Variants in MORN3 observed in about 807,000 individuals in gnomAD.
MORN3 encodes the protein MORN repeat containing 3.
A neutral mutation model predicts 34.7 loss-of-function variants in MORN3; 38 were observed. The observed-to-expected ratio is 1.10, with a 90% confidence interval of 0.85 to 1.44. The LOEUF (loss-of-function observed/expected upper bound fraction) is 1.44, where lower values mean the gene tolerates loss of function less well. MORN3 is among the 40% of genes most tolerant of loss of function. The pLI, the probability that MORN3 is intolerant of heterozygous loss-of-function variation, is 0.00. For synonymous variants in MORN3, 109 were observed against 115.3 expected (o/e 0.95, Z 0.35); for missense variants, 311 against 321.7 (o/e 0.97, Z 0.25).
chr12:121,660,792 C>G lies in MORN3; in HGVS notation c.146-1444G>C, dbSNP rs569139609. ...CAAGCAATTCTTCCACCTCATCCCC[C>G]CAAGTAGCTGGGATTACAGGAATGC... On this transcript the variant is annotated intron_variant, in intron 1 of 5. Transcript: ENST00000355329. Among the ~76,000 whole-genome samples the G allele has an allele frequency of 9.2e-5, 14 of 152,052 alleles. No individual in the cohort carries two copies. The South Asian group carries it at 2.1e-3, about 23-fold the overall frequency.
chr12:121,657,295 G>T (rs1893440877), intron 2 of MORN3, among the ~76,000 whole-genome samples: 1 of 152,196 alleles, frequency 6.6e-6, no homozygotes, highest in African/African-American at 2.4e-5. Flanking sequence ...GAAGCTACAA[G>T]ATTCTGATCC....
intron 2 of MORN3, among the ~76,000 whole-genome samples, chr12:121,658,848 GA>G (rs1431788023): frequency 6.6e-6 from 1 of 152,026 alleles, no homozygotes; most frequent in Non-Finnish European, 1.5e-5. Context: ...GCAGAAAGGG[GA>G]TTCTCAGAAA....
chr12:121,653,446 A>T (rs10770190), intron 3 of MORN3, among the ~76,000 whole-genome samples, 187 bp from the exon 4 acceptor site: 34,404 of 151,642 alleles, frequency 0.23, 4,232 homozygotes, highest in South Asian at 0.38. Flanking sequence ...AAAAAAAAAA[A>T]TTTTTTTAAT....
chr12:121,665,315 G>C (rs1189022562), intron 1 of MORN3, among the ~76,000 whole-genome samples: 1 of 98,656 alleles, frequency 1.0e-5, no homozygotes, highest in South Asian at 3.4e-4. Context: ...TTTTGAGACG[G>C]TGTCTCGCTC....
upstream of MORN3, among the ~76,000 whole-genome samples, chr12:121,670,873 G>C (rs978409200): frequency 6.6e-6 from 1 of 152,080 alleles, no homozygotes. Flanking sequence ...CACTTTGGGA[G>C]GCCGAGGCGG....
chr12:121,663,596 G>T lies in MORN3; in HGVS notation c.146-4248C>A, dbSNP rs921990849. Among the ~76,000 whole-genome samples, 5 of 152,052 alleles carry T rather than the reference G, an allele frequency of 3.3e-5. 1 individual carries two copies. Among genetic ancestry groups the T allele is most frequent in the African/African-American group, 9.7e-5 (4 of 41,412 alleles). On this transcript the variant is annotated intron_variant, in intron 1 of 5. Coordinates refer to ENST00000355329, the MANE Select transcript of MORN3 (RefSeq NM_173855.5). ...ACCGCAATAAAGCCGAGGGAGAAAA[G>T]ATTCAATTTGTGAGCAATTACGGGA...
At chr12:121,669,801 C>T (rs183440498), upstream of MORN3, 893 of 201,614 alleles carry the variant, frequency 4.4e-3, 9 homozygotes, top group Admixed American at 0.03. Context: ...GAGGGGGTGG[C>T]GGTCATATAT....
At position 121,669,400 on chromosome 12, in the gene MORN3, G is replaced by T. The variant is rs149649856; in HGVS notation, c.84C>A (p.Ser28Arg). 6.2e-7 allele frequency: 1 copy of T among 1,614,074 alleles called. No individual in the cohort carries two copies. Residue 28 changes from serine (S) to arginine (R), a missense_variant, in exon 1 of 6, where the codon AGC (serine) becomes AGA (arginine). By Grantham distance (110) the Ser-to-Arg change is moderately radical. Coordinates refer to ENST00000355329, the MANE Select transcript of MORN3 (RefSeq NM_173855.5). ...AGTCGCCATTCACAGCGTATACCTG[G>T]CTCCGCAGGCCGTTCCTCTGGGCCT... ...DRKAQRNGLR[S>R]QVYAVNGDYY...
chr12:121,651,940 ATTTG>A (rs781837028), intron 5 of MORN3, among the ~76,000 whole-genome samples: 2,985 of 151,718 alleles, frequency 0.02, 98 homozygotes, highest in African/African-American at 0.069. Context: ...TTGTTTGTTT[ATTTG>A]TTTGTTTGTT....
At chr12:121,660,026 G>T (rs986320680) in intron 1 of MORN3, among the ~76,000 whole-genome samples, 12 of 151,598 alleles carry the variant, frequency 7.9e-5, no homozygotes, top group Admixed American at 5.9e-4. Flanking sequence ...CTGAGGTCAG[G>T]AGTTCGAGAC....
intron 1 of MORN3, among the ~76,000 whole-genome samples, chr12:121,665,213 A>C: frequency 6.8e-6 from 1 of 147,190 alleles, no homozygotes; most frequent in East Asian, 2.1e-4. Context: ...GCCTAACAGT[A>C]CTGGAGTACC....
chr12:121,659,060 A>G, intron 2 of MORN3, 131 bp downstream of exon 2: 1 of 1,256,876 alleles, frequency 8.0e-7, no homozygotes, highest in African/African-American at 1.5e-5. Context: ...GAGCAGCACA[A>G]CCCTGTCCTC....
intron 2 of MORN3, 77 bp from the exon 3 acceptor site, chr12:121,654,510 C>G: frequency 6.9e-7 from 1 of 1,459,104 alleles, no homozygotes; most frequent in Non-Finnish European, 9.2e-7. Context: ...CCAGGCACCC[C>G]TAGAGCCACA....
intron 2 of MORN3, among the ~76,000 whole-genome samples, chr12:121,654,876 G>T (rs1893369427): frequency 6.6e-6 from 1 of 151,790 alleles, no homozygotes. Context: ...GGGATTACAG[G>T]TGTGAGCCAT....
intron 1 of MORN3, 93 bp from the exon 2 acceptor site, chr12:121,659,441 G>C (rs948949002): frequency 5.3e-6 from 7 of 1,308,836 alleles, no homozygotes; most frequent in African/African-American, 1.5e-5. Flanking sequence ...CCAACTAGAC[G>C]AATCTAGAGA....
chr12:121,662,518 G>T (rs1893612938), intron 1 of MORN3, among the ~76,000 whole-genome samples: 1 of 152,094 alleles, frequency 6.6e-6, no homozygotes, highest in Non-Finnish European at 1.5e-5. Context: ...CACTTTGGGA[G>T]GCCGAGGCAG....
chr12:121,662,077 C>T (rs1232865601), intron 1 of MORN3, among the ~76,000 whole-genome samples: 1 of 151,906 alleles, frequency 6.6e-6, no homozygotes, highest in Non-Finnish European at 1.5e-5. Flanking sequence ...CTCATAGAAA[C>T]AGTAAAATAG....
At chr12:121,659,528 C>A (rs1893517632) in intron 1 of MORN3, among the ~76,000 whole-genome samples, 180 bp from the exon 2 acceptor site, 2 of 149,554 alleles carry the variant, frequency 1.3e-5, no homozygotes, top group Admixed American at 1.3e-4. Context: ...TTCTTTCTTT[C>A]TTTCTTTCTT....
chr12:121,661,143 G>A (rs1893570131), intron 1 of MORN3, among the ~76,000 whole-genome samples: 1 of 151,914 alleles, frequency 6.6e-6, no homozygotes, highest in South Asian at 2.1e-4. Context: ...AAATTTTATA[G>A]AGGCAGAGTC....
Sources: allele counts gnomAD v4.1 joint callset (sites outside exome capture counted in the v4.1 genomes callset), GRCh38; gene constraint gnomAD v4.1.1; transcripts MANE v1.5; gene names NCBI Gene and HGNC (gene_info 2026-07-23, HGNC 2026-07-21).